Variants in LHFPL3 observed in about 807,000 individuals in gnomAD.
LHFPL3 encodes LHFPL tetraspan subfamily member 3.
LHFPL3 carries 5 observed loss-of-function variants against 19.3 expected under a neutral mutation model. The observed-to-expected ratio is 0.26, with a 90% CI of 0.14 to 0.54. LHFPL3 has a LOEUF of 0.54. Ranked by LOEUF, LHFPL3 falls within the 20% of genes least tolerant of loss-of-function variation. The probability of loss-of-function intolerance (pLI) is 0.94; values close to 1 mark genes in which losing one functional copy is unlikely to be tolerated. For synonymous variants in LHFPL3, 133 were observed against 126.2 expected (o/e 1.05, Z -0.36); for missense variants, 249 against 307.4 (o/e 0.81, Z 1.42).
At chr7:104,555,858 T>C (rs1318879926) in intron 1 of LHFPL3, among the ~76,000 whole-genome samples, 2 of 152,168 alleles carry the variant, frequency 1.3e-5, no homozygotes, top group African/African-American at 2.4e-5. Flanking sequence ...TTCCTAGATA[T>C]AATGGGGGTA....
At chr7:104,897,207 G>C (rs1307637253) in intron 2 of LHFPL3, among the ~76,000 whole-genome samples, 1 of 152,066 alleles carries the variant, frequency 6.6e-6, no homozygotes, top group African/African-American at 2.4e-5. Context: ...CGTCATTTGT[G>C]GCTAACCAGT....
chr7:104,339,760 C>A (rs1004336040), intron 1 of LHFPL3, among the ~76,000 whole-genome samples: 1 of 152,202 alleles, frequency 6.6e-6, no homozygotes, highest in Non-Finnish European at 1.5e-5. Context: ...CCATCCTTTT[C>A]ATTTCTCTAA....
chr7:104,739,682 C>G (rs1002471110), intron 2 of LHFPL3, among the ~76,000 whole-genome samples: 5 of 152,146 alleles, frequency 3.3e-5, no homozygotes, highest in Non-Finnish European at 7.4e-5. Flanking sequence ...TCAAGGCTTC[C>G]TTTTGGTTTC....
At chr7:104,336,678 C>T (rs546657324) in intron 1 of LHFPL3, among the ~76,000 whole-genome samples, 65 of 152,254 alleles carry the variant, frequency 4.3e-4, no homozygotes, top group African/African-American at 9.6e-4. Context: ...ATATCTCCCC[C>T]ACCCTAATGA....
chr7:104,832,811 T>C (rs1790980829), intron 2 of LHFPL3, among the ~76,000 whole-genome samples: 1 of 148,046 alleles, frequency 6.8e-6, no homozygotes, highest in African/African-American at 2.5e-5. Context: ...ACCCTGTCTC[T>C]ACTAAAAATA....
At chr7:104,577,210 T>C (rs969892124) in intron 1 of LHFPL3, among the ~76,000 whole-genome samples, 5 of 152,110 alleles carry the variant, frequency 3.3e-5, no homozygotes, top group Non-Finnish European at 7.4e-5. Flanking sequence ...GAGGGACATA[T>C]TAAACACATG....
At chr7:104,668,434 A>G (rs1196695543) in intron 1 of LHFPL3, 23 of 1,608,474 alleles carry the variant, frequency 1.4e-5, no homozygotes, top group Non-Finnish European at 1.9e-5. Context: ...GATCGTTATG[A>G]TTCAGACCGG....
At chr7:104,555,645 C>T (rs370475263) in intron 1 of LHFPL3, among the ~76,000 whole-genome samples, 1 of 152,146 alleles carries the variant, frequency 6.6e-6, no homozygotes, top group African/African-American at 2.4e-5. Flanking sequence ...TGGGTGGGGA[C>T]ACAGGCAAAC....
intron 1 of LHFPL3, among the ~76,000 whole-genome samples, chr7:104,641,411 C>A (rs1434231095): frequency 6.6e-6 from 1 of 152,170 alleles, no homozygotes; most frequent in Non-Finnish European, 1.5e-5. Flanking sequence ...AGAAAGGATA[C>A]ACAAATGAGC....
At chr7:104,520,342 C>G (rs12705226) in intron 1 of LHFPL3, among the ~76,000 whole-genome samples, 22,903 of 136,868 alleles carry the variant, frequency 0.17, 2,259 homozygotes, top group African/African-American at 0.27. Context: ...TGCTGGATTC[C>G]GTTTGCCAGT....
chr7:104,774,054 C>T (rs1794603346), intron 2 of LHFPL3, among the ~76,000 whole-genome samples: 1 of 152,228 alleles, frequency 6.6e-6, no homozygotes, highest in African/African-American at 2.4e-5. Context: ...GCCTCCTGGC[C>T]TTTTAAAACA....
At chr7:104,651,488 T>C (rs1044710048) in intron 1 of LHFPL3, among the ~76,000 whole-genome samples, 2 of 152,214 alleles carry the variant, frequency 1.3e-5, no homozygotes, top group Non-Finnish European at 1.5e-5. Flanking sequence ...TGGCAGTGGA[T>C]CAAATGCTTG....
intron 1 of LHFPL3, among the ~76,000 whole-genome samples, chr7:104,565,725 AT>A (rs1790107875): frequency 2.8e-3 from 5 of 1,816 alleles, no homozygotes; most frequent in African/African-American, 4.7e-3. Context: ...CTGTCTGTCT[AT>A]CTATCTATCT....
At chr7:104,426,626 ACC>A (rs1791851848) in intron 1 of LHFPL3, among the ~76,000 whole-genome samples, 1 of 152,208 alleles carries the variant, frequency 6.6e-6, no homozygotes, top group Non-Finnish European at 1.5e-5. Context: ...TATGAAAAGG[ACC>A]CAATAAAGAG....
At chr7:104,665,529 A>G (rs1481933590) in intron 1 of LHFPL3, among the ~76,000 whole-genome samples, 1 of 152,198 alleles carries the variant, frequency 6.6e-6, no homozygotes, top group Non-Finnish European at 1.5e-5. Context: ...CTCTGTGTGC[A>G]TAACGCCGGC....
chr7:104,353,992 T>C (rs1375516623), intron 1 of LHFPL3, among the ~76,000 whole-genome samples: 1 of 152,180 alleles, frequency 6.6e-6, no homozygotes, highest in African/African-American at 2.4e-5. Flanking sequence ...TCTCATTGGC[T>C]TCCTCACCCA....
At position 104,435,533 on chromosome 7, in the gene LHFPL3, A is replaced by T. The variant is rs1486592955; in HGVS notation, c.445+106309A>T. Among the ~76,000 whole-genome samples, 3 of 150,888 alleles carry T rather than the reference A, an allele frequency of 2.0e-5. No homozygotes were observed. The East Asian group carries it at 5.8e-4, about 29-fold the overall frequency. Reference sequence around the variant, plus strand: ...TTTTATAAAAAAAGTCATTTTTATAAAATGACTTTTATATTTTTCTTTCTA... The same window carrying T: ...TTTTATAAAAAAAGTCATTTTTATATAATGACTTTTATATTTTTCTTTCTA... On this transcript the variant is annotated intron_variant, in intron 1 of 2. Transcript: ENST00000424859.
At chr7:104,413,675 C>A (rs575079091) in intron 1 of LHFPL3, among the ~76,000 whole-genome samples, 1 of 152,188 alleles carries the variant, frequency 6.6e-6, no homozygotes. Flanking sequence ...GCGTCCTTCA[C>A]CTTCATGTCC....
chr7:104,639,522 T>C (rs1345783494), intron 1 of LHFPL3, among the ~76,000 whole-genome samples: 1 of 152,236 alleles, frequency 6.6e-6, no homozygotes, highest in African/African-American at 2.4e-5. Flanking sequence ...AAAATGCCAT[T>C]TTTTAATTAT....
Sources: gnomAD v4.1 joint callset for allele counts (sites outside exome capture counted in the v4.1 genomes callset) on GRCh38, gnomAD v4.1.1 for gene constraint, MANE v1.5 for transcripts, NCBI Gene and HGNC (gene_info 2026-07-23, HGNC 2026-07-21) for gene names.